The following FRAS1 variants were observed in gnomAD, a reference collection of about 807,000 sequenced individuals.
The protein encoded by FRAS1 is Fraser extracellular matrix complex subunit 1, also known as extracellular matrix organizing protein FRAS1.
In FRAS1, 290 loss-of-function variants were observed where a neutral mutation model predicts 435.2. That is an observed-to-expected ratio of 0.67 (90% confidence interval 0.61 to 0.73). FRAS1 has a LOEUF of 0.73. FRAS1 is among the 30% of genes least tolerant of loss of function. FRAS1 has a pLI of 0.00. For missense variants in FRAS1, 4,860 were observed against 5,001.5 expected (o/e 0.97, Z 0.85); for synonymous variants, 1,800 against 1,851.0 (o/e 0.97, Z 0.71).
chr4:78,094,248 G>A (rs148951990), intron 2 of FRAS1, among the ~76,000 whole-genome samples: 1 of 151,534 alleles, frequency 6.6e-6, no homozygotes, highest in African/African-American at 2.4e-5. Flanking sequence ...TGAAAGGTGA[G>A]GTCAATGGAT....
rs549923130 is a variant in FRAS1 at position 78,479,579 on chromosome 4, G to A, written c.8304G>A (p.Glu2768=). 28 of 1,613,970 alleles carry A rather than the reference G, an allele frequency of 1.7e-5. No individual in the cohort carries two copies. The highest frequency in any genetic ancestry group is 1.3e-4 in the African/African-American group (10 of 75,056). The change falls in exon 56 of 74, where the codon GAG becomes GAA. Residue 2768 remains glutamate (E), a synonymous_variant. Transcript: ENST00000512123. ...ACAGCGAGTATGAAGAGGAAGAAGA[G>A]TTTGAGATTGCCTTGGCAGATGCCT... The part of the protein sequence containing the change: ...IDDSEYEEEE[E]FEIALADASD...
intron 20 of FRAS1, among the ~76,000 whole-genome samples, chr4:78,358,388 A>G (rs1036768765): frequency 6.6e-6 from 1 of 152,180 alleles, no homozygotes; most frequent in Non-Finnish European, 1.5e-5. Context: ...GTCGATAGGA[A>G]CTTTCTGGAA....
intron 66 of FRAS1, 86 bp downstream of exon 66, chr4:78,516,099 T>G: frequency 1.9e-6 from 2 of 1,048,708 alleles, no homozygotes; most frequent in South Asian, 3.4e-5. Flanking sequence ...CAATTAGCAC[T>G]TTGCCTCCAG....
chr4:78,327,035 A>T (rs1212823389), intron 18 of FRAS1, among the ~76,000 whole-genome samples: 1 of 152,124 alleles, frequency 6.6e-6, no homozygotes, highest in African/African-American at 2.4e-5. Flanking sequence ...GAGATTGGGG[A>T]TGTTGAATCA....
intron 2 of FRAS1, among the ~76,000 whole-genome samples, chr4:78,108,506 A>G (rs766032795): frequency 1.0e-5 from 1 of 96,032 alleles, no homozygotes; most frequent in Non-Finnish European, 2.0e-5. Context: ...ACTACTGGGT[A>G]CATAACGAAA....
intron 2 of FRAS1, among the ~76,000 whole-genome samples, chr4:78,217,782 A>G (rs1056436631): frequency 7.1e-6 from 1 of 141,690 alleles, no homozygotes; most frequent in Non-Finnish European, 1.5e-5. Flanking sequence ...AACCTACAAG[A>G]TATCTCCCCC....
At chr4:78,124,768 G>C (rs1719244111) in intron 2 of FRAS1, among the ~76,000 whole-genome samples, 1 of 152,200 alleles carries the variant, frequency 6.6e-6, no homozygotes, top group African/African-American at 2.4e-5. Flanking sequence ...GCATAGAGGT[G>C]TTTATAGTAT....
At chr4:78,273,040 G>A (rs1726794568) in intron 9 of FRAS1, among the ~76,000 whole-genome samples, 1 of 152,146 alleles carries the variant, frequency 6.6e-6, no homozygotes, top group Admixed American at 6.6e-5. Flanking sequence ...TCCCTTGTAA[G>A]TTGGATTCCT....
At chr4:78,241,603 T>G in intron 3 of FRAS1, among the ~76,000 whole-genome samples, 2 of 150,462 alleles carry the variant, frequency 1.3e-5, no homozygotes, top group South Asian at 2.1e-4. Flanking sequence ...GAATTAGGAG[T>G]GGTTGCTGGA....
At chr4:78,322,569 T>C (rs145575024) in intron 18 of FRAS1, among the ~76,000 whole-genome samples, 6 of 152,118 alleles carry the variant, frequency 3.9e-5, no homozygotes, top group Non-Finnish European at 5.9e-5. Flanking sequence ...AGACAGATTC[T>C]TTATAGGAAG....
intron 2 of FRAS1, among the ~76,000 whole-genome samples, chr4:78,114,846 G>C (rs1437327062): frequency 6.6e-6 from 1 of 152,160 alleles, no homozygotes; most frequent in African/African-American, 2.4e-5. Flanking sequence ...GATTGCCCTG[G>C]CCAGAACTTC....
intron 2 of FRAS1, among the ~76,000 whole-genome samples, chr4:78,228,429 A>G (rs576582138): frequency 6.6e-6 from 1 of 152,340 alleles, no homozygotes; most frequent in African/African-American, 2.4e-5. Context: ...ATTATGTTAG[A>G]ACAAGTGGAA....
intron 2 of FRAS1, among the ~76,000 whole-genome samples, chr4:78,092,798 C>T (rs558687672): frequency 2.0e-5 from 3 of 152,234 alleles, no homozygotes; most frequent in African/African-American, 7.2e-5. Context: ...CTTTTGCCAC[C>T]CCAGATGCAT....
chr4:78,539,547 C>T (rs1195383059), intron 73 of FRAS1, 107 bp downstream of exon 73: 5 of 1,084,252 alleles, frequency 4.6e-6, no homozygotes, highest in Non-Finnish European at 5.3e-6. Context: ...CTTCAACATT[C>T]TGCCATTCTT....
intron 33 of FRAS1, among the ~76,000 whole-genome samples, chr4:78,420,729 T>C (rs570729145): frequency 5.3e-5 from 8 of 151,944 alleles, no homozygotes; most frequent in South Asian, 2.1e-4. Context: ...GACCTTTGAA[T>C]TGAAACTCAA....
chr4:78,433,528 TAGC>T (rs1258059834), intron 38 of FRAS1, among the ~76,000 whole-genome samples: 2 of 152,202 alleles, frequency 1.3e-5, no homozygotes, highest in East Asian at 3.8e-4. Context: ...TAGTCCTGAA[TAGC>T]AGCATGTAAG....
chr4:78,462,584 T>A (rs1002341309), intron 47 of FRAS1, among the ~76,000 whole-genome samples: 4 of 152,114 alleles, frequency 2.6e-5, no homozygotes, highest in Non-Finnish European at 4.4e-5. Context: ...AGAATCCAGA[T>A]GAGATTTTCC....
At chr4:78,319,072 C>G in intron 18 of FRAS1, 86 bp downstream of exon 18, 4 of 1,335,736 alleles carry the variant, frequency 3.0e-6, no homozygotes, top group East Asian at 4.6e-5. Flanking sequence ...CCAGGAAGAC[C>G]GATGTTTAAT....
intron 25 of FRAS1, 125 bp downstream of exon 25, chr4:78,374,376 C>T (rs911786534): frequency 1.1e-6 from 1 of 918,902 alleles, no homozygotes; most frequent in East Asian, 2.5e-5. Context: ...GAGGGCTTAG[C>T]CTAAGTAATT....
Sources: allele counts gnomAD v4.1 joint callset (sites outside exome capture counted in the v4.1 genomes callset), GRCh38; gene constraint gnomAD v4.1.1; transcripts MANE v1.5; gene names NCBI Gene and HGNC (gene_info 2026-07-23, HGNC 2026-07-21).